The following TMPRSS15 variants were observed in gnomAD, a reference collection of about 807,000 sequenced individuals.
TMPRSS15 encodes transmembrane serine protease 15, also known as enteropeptidase.
In TMPRSS15, 128 loss-of-function variants were observed where a neutral mutation model predicts 125.3. The observed-to-expected ratio is 1.02, with a 90% CI of 0.89 to 1.18. The LOEUF (loss-of-function observed/expected upper bound fraction) is 1.18, where lower values mean the gene tolerates loss of function less well. Among genes scored for constraint, TMPRSS15 ranks in the 50% most tolerant of loss-of-function variants. The pLI is 0.00. For missense variants in TMPRSS15, 1,283 were observed against 1,212.7 expected, an observed-to-expected ratio of 1.06 and a Z score of -0.86; for synonymous variants, 446 against 423.2, an observed-to-expected ratio of 1.05 and a Z score of -0.66.
At chr21:18,397,770 G>T in intron 3 of TMPRSS15, 109 bp downstream of exon 3, 1 of 618,298 alleles carries the variant, frequency 1.6e-6, no homozygotes, top group Non-Finnish European at 2.7e-6. Flanking sequence ...AAAAAATGTT[G>T]AAAAATTTAA....
intron 24 of TMPRSS15, among the ~76,000 whole-genome samples, chr21:18,273,039 T>A (rs1157417463): frequency 6.6e-6 from 1 of 152,106 alleles, no homozygotes; most frequent in East Asian, 1.9e-4. Context: ...CCCTGATAAT[T>A]TGCATTTCTA....
At chr21:18,342,367 T>C (rs1292079063) in intron 12 of TMPRSS15, among the ~76,000 whole-genome samples, 4 of 152,244 alleles carry the variant, frequency 2.6e-5, no homozygotes, top group Admixed American at 1.3e-4. Flanking sequence ...CCAGACATTA[T>C]TCCAGTAGGT....
At chr21:18,299,683 A>C (rs138065874) in intron 18 of TMPRSS15, among the ~76,000 whole-genome samples, 127 of 152,218 alleles carry the variant, frequency 8.3e-4, no homozygotes, top group African/African-American at 3.0e-3. Context: ...CCCTGTGTTT[A>C]ACATTCTTCT....
At chr21:18,338,231 T>A (rs138806864) in intron 13 of TMPRSS15, among the ~76,000 whole-genome samples, 116 of 152,294 alleles carry the variant, frequency 7.6e-4, no homozygotes, top group African/African-American at 2.6e-3. Flanking sequence ...AATGGTGAGA[T>A]GGTGCTACAT....
intron 5 of TMPRSS15, among the ~76,000 whole-genome samples, chr21:18,374,270 G>A (rs1335741608): frequency 6.6e-6 from 1 of 150,860 alleles, no homozygotes; most frequent in Non-Finnish European, 1.5e-5. Context: ...TCAGGAGATC[G>A]AGACCATCCT....
chr21:18,308,969 C>A (rs2075066491), intron 18 of TMPRSS15, among the ~76,000 whole-genome samples: 2 of 152,172 alleles, frequency 1.3e-5, no homozygotes, highest in African/African-American at 4.8e-5. Flanking sequence ...ATATGTGCTA[C>A]ATTTTCTTTA....
intron 1 of TMPRSS15, among the ~76,000 whole-genome samples, chr21:18,399,205 T>A (rs1020083945): frequency 1.2e-4 from 18 of 152,152 alleles, no homozygotes; most frequent in Middle Eastern, 6.8e-3. Context: ...ATAGGGTAAT[T>A]GGAGTTTAGA....
chr21:18,272,383 TTAATA>T (rs1443738343), intron 24 of TMPRSS15, among the ~76,000 whole-genome samples: 1 of 152,184 alleles, frequency 6.6e-6, no homozygotes, highest in Non-Finnish European at 1.5e-5. Flanking sequence ...AGTGAAGATA[TTAATA>T]TTTCATTCTT....
chr21:18,275,495 C>T (rs192629167), intron 23 of TMPRSS15, among the ~76,000 whole-genome samples, 159 bp from the exon 24 acceptor site: 126 of 152,284 alleles, frequency 8.3e-4, no homozygotes, highest in East Asian at 4.3e-3. Context: ...CACTAAAGCA[C>T]ATAATAAAGC....
intron 3 of TMPRSS15, among the ~76,000 whole-genome samples, chr21:18,395,851 T>C (rs897986789): frequency 6.6e-6 from 1 of 152,180 alleles, no homozygotes; most frequent in African/African-American, 2.4e-5. Flanking sequence ...AAATAATACA[T>C]GAATAAAAGT....
chr21:18,484,947 CATGA>C (rs1391995127), intron 1 of TMPRSS15, among the ~76,000 whole-genome samples: 1 of 151,752 alleles, frequency 6.6e-6, no homozygotes, highest in African/African-American at 2.4e-5. Flanking sequence ...TCATTTTCCT[CATGA>C]ATAAGAGATT....
intron 17 of TMPRSS15, among the ~76,000 whole-genome samples, chr21:18,313,383 TA>T (rs889405237): frequency 1.2e-3 from 178 of 151,526 alleles, no homozygotes; most frequent in Admixed American, 1.8e-3. Flanking sequence ...AATATGTATA[TA>T]CACATTCTCT....
At chr21:18,329,132 C>A in intron 15 of TMPRSS15, 37 bp downstream of exon 15, 1 of 1,609,448 alleles carries the variant, frequency 6.2e-7, no homozygotes, top group African/African-American at 1.3e-5. Flanking sequence ...ACATCTTGAG[C>A]TTTACAACCT....
At chr21:18,398,388 T>C (rs1387757352) in intron 1 of TMPRSS15, 59 bp from the exon 2 acceptor site, 9 of 1,557,086 alleles carry the variant, frequency 5.8e-6, no homozygotes, top group Non-Finnish European at 7.1e-6. Flanking sequence ...GGAGAAAATA[T>C]GCACATTCTG....
At position 18,343,694 on chromosome 21, in the gene TMPRSS15, A is replaced by C. The variant is rs146158551; in HGVS notation, c.1278-38T>G. 2.5e-6 allele frequency: 4 copies of C among 1,591,738 alleles called. No individual in the cohort carries two copies. The African/African-American group carries it at 5.4e-5, about 21-fold the overall frequency. On this transcript the variant is annotated intron_variant, in intron 11 of 24. Coordinates refer to ENST00000284885, the MANE Select transcript of TMPRSS15 (RefSeq NM_002772.3). ...GAAGCAAAAATGTTTGGATTCCTAC[A>C]ACATTAGAATAAGTCCTTTTCAGAG...
rs548456872 is a variant in TMPRSS15 at position 18,294,289 on chromosome 21, C to T, written c.2467G>A (p.Ala823Thr). Residue 823 changes from alanine (A) to threonine (T), a missense_variant, in exon 21 of 25, where the codon GCC (alanine) becomes ACC (threonine). Coordinates refer to ENST00000284885, the MANE Select transcript of TMPRSS15 (RefSeq NM_002772.3). ...SLVSSDWLVS[A>T]AHCVYGRNLE... Reference sequence around the variant, plus strand: ...ACTCACCCATACACGCAGTGTGCGGCGGACACCAGCCAGTCACTGCTGACG... The same window carrying T: ...ACTCACCCATACACGCAGTGTGCGGTGGACACCAGCCAGTCACTGCTGACG... The T allele has an allele frequency of 9.9e-6, 16 of 1,614,196 alleles. No individual in the cohort carries two copies. Among genetic ancestry groups the T allele is most frequent in the South Asian group, 8.8e-5 (8 of 91,082 alleles).
At chr21:18,417,144 C>T (rs1161060558) in intron 1 of TMPRSS15, among the ~76,000 whole-genome samples, 1 of 152,038 alleles carries the variant, frequency 6.6e-6, no homozygotes, top group Non-Finnish European at 1.5e-5. Flanking sequence ...AAGGTAATTT[C>T]AAGATTTTGG....
intron 15 of TMPRSS15, among the ~76,000 whole-genome samples, chr21:18,328,946 T>C (rs538816173): frequency 6.6e-6 from 1 of 152,226 alleles, no homozygotes; most frequent in Non-Finnish European, 1.5e-5. Context: ...AAAGTAAAAA[T>C]AATTAGTCCT....
At chr21:18,432,307 G>A (rs1293141413) in intron 1 of TMPRSS15, among the ~76,000 whole-genome samples, 3 of 152,018 alleles carry the variant, frequency 2.0e-5, no homozygotes, top group Non-Finnish European at 4.4e-5. Flanking sequence ...TCAATTTCCT[G>A]AGCTATTTAT....
Sources: allele counts gnomAD v4.1 joint callset (sites outside exome capture counted in the v4.1 genomes callset), GRCh38; gene constraint gnomAD v4.1.1; transcripts MANE v1.5; gene names NCBI Gene and HGNC (gene_info 2026-07-23, HGNC 2026-07-21).